The following APBB1 variants were observed in gnomAD, a reference collection of about 807,000 sequenced individuals.
APBB1 encodes the protein amyloid beta precursor protein binding family B member 1, also known as adaptor protein FE65a2.
Under a neutral mutation model 78.4 loss-of-function variants are expected in APBB1, and 22 were observed. The observed-to-expected ratio is 0.28, with a 90% CI of 0.20 to 0.40. The LOEUF is 0.40. Ranked by LOEUF, APBB1 falls within the 10% of genes least tolerant of loss-of-function variation. The pLI is 1.00. For missense variants in APBB1, 749 were observed against 932.4 expected (o/e 0.80, Z 2.56); for synonymous variants, 369 against 372.7 (o/e 0.99, Z 0.12).
chr11:6,408,629 C>G (rs56400934), intron 2 of APBB1, among the ~76,000 whole-genome samples: 5,869 of 152,176 alleles, frequency 0.039, 161 homozygotes, highest in Non-Finnish European at 0.057. Flanking sequence ...CTCAACCTCC[C>G]GAGTAGCTGG....
At chr11:6,410,073 C>CTCTG (rs1351905340) in intron 2 of APBB1, among the ~76,000 whole-genome samples, 1 of 150,862 alleles carries the variant, frequency 6.6e-6, no homozygotes, top group Non-Finnish European at 1.5e-5. Context: ...CAGAGTGAGA[C>CTCTG]TCTGTCTCAA....
chr11:6,396,455 G>A (rs1848228647), intron 12 of APBB1: 2 of 487,112 alleles, frequency 4.1e-6, no homozygotes, highest in South Asian at 2.5e-5. Flanking sequence ...TATTTTCACC[G>A]GCTCTGCCTA....
upstream of APBB1, chr11:6,419,160 G>T (rs556999993): frequency 5.6e-4 from 193 of 345,622 alleles, no homozygotes; most frequent in African/African-American, 3.7e-3. Context: ...ATCTTGGGGC[G>T]GGCGCGGGAG....
chr11:6,395,587 G>C lies in APBB1; in HGVS notation c.2080C>G (p.Gln694Glu). 6.3e-7 allele frequency: 1 copy of C among 1,586,496 alleles called. No individual in the cohort carries two copies. The highest frequency in any genetic ancestry group is 8.6e-7 in the Non-Finnish European group (1 of 1,164,592). The stretch of plus-strand genomic sequence containing the variant: ...GGCTTCAGGGAGCCCCACAGCGACT[G>C]AACACCCCTGCGGACAGTCCACCCT... ...RVGWTVRRGVQSLWGSLKPKR... is the reference protein window; with the variant it reads ...RVGWTVRRGVESLWGSLKPKR... The change falls in exon 15 of 15, where the codon CAG becomes GAG. Residue 694 changes from glutamine (Q) to glutamate (E), a missense_variant. By Grantham distance (29) the Gln-to-Glu change is conservative. Transcript: ENST00000609360. The surrounding 1 kb of genome is among the most constrained non-coding windows in gnomAD (Gnocchi z 5.2).
chr11:6,404,889 A>G (rs1848729558), intron 2 of APBB1: 2 of 1,505,920 alleles, frequency 1.3e-6, no homozygotes, highest in Non-Finnish European at 1.8e-6. Context: ...GCTGGGCTGC[A>G]GAGAAAAGCT....
chr11:6,404,162 C>A, intron 2 of APBB1: 1 of 351,582 alleles, frequency 2.8e-6, no homozygotes, highest in Non-Finnish European at 5.2e-6. Flanking sequence ...TCAGTTAACA[C>A]GAAGGTGAAC....
Position 6,403,731 on chromosome 11 carries a change from C to T in APBB1, c.813G>A (p.Trp271Ter). Residue 271 changes from tryptophan (W) to a stop codon, truncating the protein, a stop_gained, in exon 3 of 15, where the codon TGG (tryptophan) becomes TGA (stop). Coordinates refer to ENST00000609360, the MANE Select transcript of APBB1 (RefSeq NM_001164.5). LOFTEE classifies it high-confidence loss of function. The surrounding 1 kb of genome is among the most constrained non-coding windows in gnomAD (Gnocchi z 5.3). ...RVQDTSGTYY[W>*]HIPTGTTQWE... The stretch of plus-strand genomic sequence containing the variant: ...ACTGGGTGGTCCCTGTTGGGATGTG[C>T]CAGTAATAGGTCCCTGAGGTGTCCT... 2 of 1,610,076 alleles carry T rather than the reference C, an allele frequency of 1.2e-6. No individual in the cohort carries two copies. The highest frequency in any genetic ancestry group is 1.7e-6 in the Non-Finnish European group (2 of 1,177,316).
intron 2 of APBB1, among the ~76,000 whole-genome samples, chr11:6,408,457 C>A (rs1848874359): frequency 6.6e-6 from 1 of 151,982 alleles, no homozygotes; most frequent in Admixed American, 6.5e-5. Flanking sequence ...GAGTTCAAGA[C>A]CAGCCTGGGC....
chr11:6,412,285 T>C (rs905176768), intron 1 of APBB1, among the ~76,000 whole-genome samples: 1 of 152,230 alleles, frequency 6.6e-6, no homozygotes, highest in Non-Finnish European at 1.5e-5. Flanking sequence ...CCTGAGTAGC[T>C]GTGATTACAG....
At position 6,403,272 on chromosome 11, in the gene APBB1, C is replaced by T; in HGVS notation, c.1040+47G>A. 1 of 1,611,680 alleles carries T rather than the reference C, an allele frequency of 6.2e-7. No homozygotes were observed. The highest frequency in any genetic ancestry group is 8.5e-7 in the Non-Finnish European group (1 of 1,178,602). On this transcript the variant is annotated intron_variant, in intron 5 of 14. Transcript: ENST00000609360. The surrounding 1 kb of genome is among the most constrained non-coding windows in gnomAD (Gnocchi z 5.3). Reference sequence around the variant, plus strand: ...AAATGGAGCTGTCCCAAGGCCCCTTCCAGACAGATCCATCCCACTGCCAGC... The same window carrying T: ...AAATGGAGCTGTCCCAAGGCCCCTTTCAGACAGATCCATCCCACTGCCAGC...
At chr11:6,417,880 A>T (rs1282106125) in intron 1 of APBB1, among the ~76,000 whole-genome samples, 1 of 152,260 alleles carries the variant, frequency 6.6e-6, no homozygotes, top group African/African-American at 2.4e-5. Context: ...AAACCACAGA[A>T]GATAATTTAG....
chr11:6,407,849 G>A (rs575545717), intron 2 of APBB1, among the ~76,000 whole-genome samples: 1 of 148,728 alleles, frequency 6.7e-6, no homozygotes, highest in Non-Finnish European at 1.5e-5. Flanking sequence ...GCGCAATCTC[G>A]GCTCACTGCA....
intron 1 of APBB1, among the ~76,000 whole-genome samples, chr11:6,414,974 A>G (rs929378021): frequency 3.9e-5 from 6 of 152,176 alleles, no homozygotes; most frequent in Admixed American, 2.6e-4. Context: ...AGTTGACCTC[A>G]GGGCAGCCCC....
intron 2 of APBB1, among the ~76,000 whole-genome samples, chr11:6,406,756 T>C (rs552284056): frequency 6.6e-6 from 1 of 152,262 alleles, no homozygotes; most frequent in East Asian, 1.9e-4. Flanking sequence ...GACATCAGTA[T>C]ACAGGTCCCT....
In APBB1 at chr11:6,403,836, G is replaced by A. The variant is rs376321987; in HGVS notation, c.722-14C>T. 226 of 1,533,840 alleles carry A rather than the reference G, an allele frequency of 1.5e-4. No individual in the cohort carries two copies. Among genetic ancestry groups the A allele is most frequent in the Non-Finnish European group, 1.5e-4 (171 of 1,138,628 alleles). Reference sequence around the variant, plus strand: ...TCCAGAAGGAATCTGCCAGGTGGGAGGCTTGGTGAGGGTCAGCCTACCCAA... The same window carrying A: ...TCCAGAAGGAATCTGCCAGGTGGGAAGCTTGGTGAGGGTCAGCCTACCCAA... On this transcript the variant is annotated splice_polypyrimidine_tract_variant and intron_variant, in intron 2 of 14. Coordinates refer to ENST00000609360, the MANE Select transcript of APBB1 (RefSeq NM_001164.5). This position sits in a 1 kb window ranked among gnomAD's most constrained non-coding sequence, Gnocchi z 5.3.
intron 1 of APBB1, among the ~76,000 whole-genome samples, chr11:6,412,315 G>A (rs1164781760): frequency 6.6e-6 from 1 of 152,128 alleles, no homozygotes; most frequent in African/African-American, 2.4e-5. Context: ...ACCACGCCCA[G>A]GTAATTTTTG....
In APBB1 at chr11:6,404,610, G is replaced by A. The variant is rs1441151063; in HGVS notation, c.722-788C>T. The A allele has an allele frequency of 1.5e-5, 23 of 1,536,172 alleles. 1 individual carries two copies. Among genetic ancestry groups the A allele is most frequent in the South Asian group, 2.4e-5 (2 of 84,066 alleles). ...TGTCATGCACATACACACATACCTC[G>A]CATCTGTGTCATACACCCTTGTCTG... On this transcript the variant is annotated intron_variant, in intron 2 of 14. Coordinates refer to ENST00000609360, the MANE Select transcript of APBB1 (RefSeq NM_001164.5).
In APBB1 at chr11:6,411,308, C is replaced by T; in HGVS notation, c.40G>A (p.Ala14Thr). 6.4e-7 allele frequency: 1 copy of T among 1,556,870 alleles called. No homozygotes were observed. Among genetic ancestry groups the T allele is most frequent in the South Asian group, 1.2e-5 (1 of 81,562 alleles). The change falls in exon 2 of 15, where the codon GCC becomes ACC. Residue 14 changes from alanine to threonine, a missense_variant. By Grantham distance (58) the Ala-to-Thr change is moderately conservative. Transcript: ENST00000609360. The surrounding 1 kb of genome is among the most constrained non-coding windows in gnomAD (Gnocchi z 5.2). ...AGTGCGGGGCCTCCGTGGCTGTTGG[C>T]ATTAATGGCCGACTGGCTCAGTGAT... Reference protein sequence around the residue: ...PSSLSQSAINANSHGGPALSL... With the variant: ...PSSLSQSAINTNSHGGPALSL...
Position 6,402,134 on chromosome 11 carries a change from C to T in APBB1, c.1330G>A (p.Ala444Thr), listed in dbSNP as rs758804617. The T allele has an allele frequency of 7.4e-6, 12 of 1,613,994 alleles. No homozygotes were observed. Among genetic ancestry groups the T allele is most frequent in the South Asian group, 4.4e-5 (4 of 91,084 alleles). The change falls in exon 8 of 15, where the codon GCC becomes ACC. Residue 444 changes from alanine (A) to threonine (T), a missense_variant. Ala to Thr is a moderately conservative substitution (Grantham distance 58, BLOSUM62 0). Transcript: ENST00000609360. The part of the protein sequence containing the change: ...VEPQSQALLH[A>T]QPIISIRVWG... ...ACGCGGATGCTGATGATGGGTTGGG[C>T]GTGCAGCAGTGCCTGGCTCTGTGGC...
Sources: gnomAD v4.1 joint callset for allele counts (sites outside exome capture counted in the v4.1 genomes callset) on GRCh38, gnomAD v4.1.1 for gene constraint, Gnocchi (gnomAD v3.1) non-coding constraint, MANE v1.5 for transcripts, NCBI Gene and HGNC (gene_info 2026-07-23, HGNC 2026-07-21) for gene names.